SLIT1: variants seen among roughly 807,000 people sequenced by gnomAD.
The protein encoded by SLIT1 is slit homolog 1 protein.
Under a neutral mutation model 186.1 loss-of-function variants are expected in SLIT1, and 66 were observed. The ratio of observed to expected loss-of-function variants is 0.35; its 90% CI spans 0.29 to 0.44. The LOEUF (loss-of-function observed/expected upper bound fraction) is 0.44, where lower values mean the gene tolerates loss of function less well. Among genes scored for constraint, SLIT1 ranks in the 20% least tolerant of loss-of-function variants. The pLI is 1.00. For missense variants in SLIT1, 1,638 were observed against 2,037.4 expected (o/e 0.80, Z 3.77); for synonymous variants, 761 against 833.8 (o/e 0.91, Z 1.50).
chr10:97,001,025 A>C lies in SLIT1; in HGVS notation c.*87T>G. On this transcript the variant is annotated 3_prime_UTR_variant, in exon 37 of 37. Coordinates refer to ENST00000266058, the MANE Select transcript of SLIT1 (RefSeq NM_003061.3). The stretch of plus-strand genomic sequence containing the variant: ...CAGGAGCCGTCCTGTGATGACCTGC[A>C]CCCCAGCCCAGCTGCTGGCGACTGT... 9.2e-7 allele frequency: 1 copy of C among 1,087,196 alleles called. No individual in the cohort carries two copies. Among genetic ancestry groups the C allele is most frequent in the Non-Finnish European group, 1.4e-6 (1 of 731,662 alleles). The allele number at this position is 1,087,196 out of a possible 1,614,324, so 67.3% of individuals were successfully genotyped here. A position where few individuals can be genotyped will look rare whatever the true frequency, so the allele number is the denominator to read the frequency against.
intron 31 of SLIT1, among the ~76,000 whole-genome samples, chr10:97,008,837 GC>G (rs1272343990): frequency 1.3e-5 from 2 of 151,688 alleles, no homozygotes; most frequent in African/African-American, 4.8e-5. Context: ...GCCCAGAACA[GC>G]CAAAACAATC....
chr10:97,036,789 T>C (rs902298029), intron 22 of SLIT1, among the ~76,000 whole-genome samples: 2 of 152,204 alleles, frequency 1.3e-5, no homozygotes, highest in African/African-American at 4.8e-5. Flanking sequence ...AGTGAGGAGC[T>C]AGGTAGGCTA....
chr10:97,046,859 C>G (rs1004937298), intron 17 of SLIT1, 62 bp from the exon 18 acceptor site: 2 of 1,593,726 alleles, frequency 1.3e-6, no homozygotes, highest in Admixed American at 1.7e-5. Context: ...AGGCCCCTCC[C>G]TTCCTGCAGG....
At position 97,004,864 on chromosome 10, in the gene SLIT1, C is replaced by A. The variant is rs1001859045; in HGVS notation, c.3580-41G>T. 3.1e-6 allele frequency: 5 copies of A among 1,612,914 alleles called. No individual in the cohort carries two copies. In the African/African-American group the frequency reaches 6.7e-5, roughly 22 times the overall value. ...ACTTTCTCTCCCACCCCACCCCATG[C>A]AGCAGCGGCACAGGCTAGCAGATGG... On this transcript the variant is annotated intron_variant, in intron 32 of 36. Coordinates refer to ENST00000266058, the MANE Select transcript of SLIT1 (RefSeq NM_003061.3). The surrounding 1 kb of genome is among the most constrained non-coding windows in gnomAD (Gnocchi z 5.1).
chr10:97,044,464 AC>A (rs1052280990), intron 18 of SLIT1, among the ~76,000 whole-genome samples: 19 of 152,324 alleles, frequency 1.2e-4, no homozygotes, highest in African/African-American at 4.6e-4. Context: ...AAAAGTAAAA[AC>A]AAAAACCAAG....
At chr10:97,156,740 C>T (rs1232505846) in intron 4 of SLIT1, among the ~76,000 whole-genome samples, 1 of 152,098 alleles carries the variant, frequency 6.6e-6, no homozygotes, top group Non-Finnish European at 1.5e-5. Context: ...CATGGTCAGA[C>T]CCCTTAGCAC....
intron 11 of SLIT1, chr10:97,058,210 G>A: frequency 1.6e-6 from 1 of 634,234 alleles, no homozygotes; most frequent in Admixed American, 2.3e-5. Context: ...CACCCCTCAA[G>A]CTGCTGGGTG....
rs952831 is a variant in SLIT1 at position 97,184,453 on chromosome 10, C to T, written c.197+1025G>A. On this transcript the variant is annotated intron_variant, in intron 1 of 36. Transcript: ENST00000266058. The surrounding 1 kb of genome is among the most constrained non-coding windows in gnomAD (Gnocchi z 4.4). ...AAATCTACACACACACAGCCCATTA[C>T]GGGGACTCTCATGGCCTCACGCTAT... Among the ~76,000 whole-genome samples the T allele has an allele frequency of 0.052, 7,959 of 152,126 alleles. 520 individuals carry two copies. Among genetic ancestry groups the T allele is most frequent in the African/African-American group, 0.16 (6,569 of 41,450 alleles).
chr10:97,177,369 G>A (rs1057084804), intron 1 of SLIT1, among the ~76,000 whole-genome samples: 4 of 152,110 alleles, frequency 2.6e-5, no homozygotes, highest in Admixed American at 6.5e-5. Context: ...TCTCAGACTC[G>A]AGCATCAGAG....
intron 1 of SLIT1, among the ~76,000 whole-genome samples, chr10:97,171,068 G>T (rs1401923199): frequency 2.0e-5 from 3 of 152,064 alleles, no homozygotes; most frequent in Non-Finnish European, 4.4e-5. Flanking sequence ...AATAAAAAAA[G>T]AAAAAAGAAA....
Position 97,031,636 on chromosome 10 carries a change from G to T in SLIT1, c.2480C>A (p.Ala827Asp). 6.4e-7 allele frequency: 1 copy of T among 1,552,120 alleles called. No individual in the cohort carries two copies. Residue 827 changes from alanine (A) to aspartate (D), a missense_variant, in exon 24 of 37, where the codon GCC becomes GAC. By Grantham distance (126) the Ala-to-Asp change is moderately radical (BLOSUM62 -2). Transcript: ENST00000266058. ...GCGCAGGGAGCGGAGTCCCTGGAAGGCCAAAGGCGGGATGCACTGCAGGGC... is the reference window on the plus strand; with the variant it reads ...GCGCAGGGAGCGGAGTCCCTGGAAGTCCAAAGGCGGGATGCACTGCAGGGC... ...YNALQCIPPLAFQGLRSLRLL... is the reference protein window; with the variant it reads ...YNALQCIPPLDFQGLRSLRLL...
intron 4 of SLIT1, among the ~76,000 whole-genome samples, chr10:97,080,960 C>A (rs528574846): frequency 1.1e-4 from 16 of 152,328 alleles, no homozygotes; most frequent in African/African-American, 3.8e-4. Context: ...TCAGTGCCAC[C>A]ACCTACTACG....
chr10:97,060,593 G>A (rs1344617448), intron 9 of SLIT1, 47 bp downstream of exon 9: 1 of 1,608,602 alleles, frequency 6.2e-7, no homozygotes, highest in Non-Finnish European at 8.5e-7. Flanking sequence ...CCAGAGCCAG[G>A]CCTGCCAAAG....
intron 4 of SLIT1, chr10:97,157,367 A>C (rs1327538582): frequency 6.1e-6 from 1 of 162,642 alleles, no homozygotes; most frequent in East Asian, 1.8e-4. Context: ...ATGGTTAATA[A>C]CCTTACAGAC....
intron 1 of SLIT1, among the ~76,000 whole-genome samples, chr10:97,182,865 C>A (rs1262651433): frequency 6.6e-6 from 1 of 152,138 alleles, no homozygotes; most frequent in Admixed American, 6.5e-5. Context: ...TATGCTCACG[C>A]CTGTAATCCC....
At chr10:97,018,449 C>T in intron 28 of SLIT1, 137 bp downstream of exon 28, 1 of 588,972 alleles carries the variant, frequency 1.7e-6, no homozygotes, top group Non-Finnish European at 3.0e-6. Context: ...GAGTACATGC[C>T]TGCCCCCGAC....
chr10:97,161,872 C>G (rs1450926402), intron 3 of SLIT1, among the ~76,000 whole-genome samples: 1 of 152,210 alleles, frequency 6.6e-6, no homozygotes, highest in African/African-American at 2.4e-5. Flanking sequence ...TTCTGTACAA[C>G]TGGGGACAAG....
intron 4 of SLIT1, among the ~76,000 whole-genome samples, chr10:97,126,289 C>T (rs770000663): frequency 3.3e-5 from 5 of 152,182 alleles, no homozygotes; most frequent in Admixed American, 6.5e-5. Context: ...ACATGGGACA[C>T]GTGGGACATG....
chr10:97,052,235 C>T (rs1222583645), intron 13 of SLIT1, among the ~76,000 whole-genome samples: 1 of 151,536 alleles, frequency 6.6e-6, no homozygotes. Context: ...TACTTGGGAC[C>T]ACAGGCATGC....
Sources: allele counts gnomAD v4.1 joint callset (sites outside exome capture counted in the v4.1 genomes callset), GRCh38; gene constraint gnomAD v4.1.1; non-coding constraint Gnocchi (gnomAD v3.1); transcripts MANE v1.5; gene names NCBI Gene and HGNC (gene_info 2026-07-23, HGNC 2026-07-21).